The following ROBO2 variants were observed in gnomAD, a reference collection of about 807,000 sequenced individuals.
ROBO2 encodes the protein roundabout guidance receptor 2.
In ROBO2, 53 loss-of-function variants were observed where a neutral mutation model predicts 160.8. The observed-to-expected ratio is 0.33, with a 90% CI of 0.26 to 0.41. ROBO2 has a LOEUF of 0.41. Among genes scored for constraint, ROBO2 ranks in the 10% least tolerant of loss-of-function variants. The pLI is 1.00. For missense variants in ROBO2, 1,577 were observed against 1,722.4 expected (o/e 0.92, Z 1.49); for synonymous variants, 664 against 611.7 (o/e 1.09, Z -1.26).
chr3:77,418,984 A>G (rs2077487931), intron 2 of ROBO2, among the ~76,000 whole-genome samples: 1 of 152,150 alleles, frequency 6.6e-6, no homozygotes, highest in Non-Finnish European at 1.5e-5. Context: ...GTGGCTTAAA[A>G]CAAATGTATT....
At chr3:76,707,226 C>T (rs1465117753) in intron 2 of ROBO2, among the ~76,000 whole-genome samples, 5 of 151,980 alleles carry the variant, frequency 3.3e-5, no homozygotes, top group South Asian at 2.1e-4. Flanking sequence ...AACACCAGTA[C>T]CTAAAGAAAC....
At chr3:76,851,659 C>T (rs1478123128) in intron 2 of ROBO2, among the ~76,000 whole-genome samples, 5 of 141,372 alleles carry the variant, frequency 3.5e-5, no homozygotes, top group Non-Finnish European at 7.5e-5. Flanking sequence ...GGCGTGAACC[C>T]GGGAAGCGGA....
At chr3:77,527,772 GT>G (rs1039887294) in intron 6 of ROBO2, among the ~76,000 whole-genome samples, 1 of 151,484 alleles carries the variant, frequency 6.6e-6, no homozygotes, top group Non-Finnish European at 1.5e-5. Flanking sequence ...TATTAGTTAT[GT>G]TTGATGTTAA....
chr3:76,289,034 T>C (rs1396899876), intron 2 of ROBO2, among the ~76,000 whole-genome samples: 1 of 152,172 alleles, frequency 6.6e-6, no homozygotes, highest in Non-Finnish European at 1.5e-5. Context: ...CTGGGTAAAA[T>C]GGTAGTTGTG....
At chr3:77,586,086 A>T (rs2094039867) in intron 16 of ROBO2, among the ~76,000 whole-genome samples, 1 of 152,116 alleles carries the variant, frequency 6.6e-6, no homozygotes, top group African/African-American at 2.4e-5. Context: ...GTAAAAATGT[A>T]ACACGCTGCC....
At chr3:76,393,959 A>C (rs537606694) in intron 2 of ROBO2, among the ~76,000 whole-genome samples, 1 of 152,170 alleles carries the variant, frequency 6.6e-6, no homozygotes, top group Admixed American at 6.6e-5. Context: ...AAAATAAAAA[A>C]TTCGTTTTCC....
chr3:76,332,548 C>G (rs1424078266), intron 2 of ROBO2, among the ~76,000 whole-genome samples: 1 of 152,148 alleles, frequency 6.6e-6, no homozygotes, highest in African/African-American at 2.4e-5. Flanking sequence ...GGATTTATCT[C>G]TGCATAAAAC....
intron 2 of ROBO2, among the ~76,000 whole-genome samples, chr3:77,192,262 T>C (rs1414073169): frequency 1.3e-5 from 2 of 152,206 alleles, no homozygotes. Context: ...TTTAATATGC[T>C]GAACATGATT....
At chr3:77,095,651 CT>C (rs896577302) in intron 1 of ROBO2, among the ~76,000 whole-genome samples, 1 of 152,110 alleles carries the variant, frequency 6.6e-6, no homozygotes, top group African/African-American at 2.4e-5. Context: ...ACATAAAACT[CT>C]TGATGTATTT....
intron 2 of ROBO2, among the ~76,000 whole-genome samples, chr3:76,797,129 A>G (rs1185823845): frequency 6.6e-6 from 1 of 152,150 alleles, no homozygotes; most frequent in Non-Finnish European, 1.5e-5. Flanking sequence ...ATTTCATCCA[A>G]TGGCTGCAGA....
At chr3:76,200,420 C>A (rs1216795752) in intron 2 of ROBO2, among the ~76,000 whole-genome samples, 1 of 152,084 alleles carries the variant, frequency 6.6e-6, no homozygotes, top group Non-Finnish European at 1.5e-5. Context: ...AGCTCATGCC[C>A]TGTTTTTGGA....
chr3:76,084,349 G>T (rs375460849), intron 2 of ROBO2, among the ~76,000 whole-genome samples: 26 of 152,016 alleles, frequency 1.7e-4, no homozygotes, highest in Non-Finnish European at 3.4e-4. Flanking sequence ...GTCCTAATTA[G>T]TCATTTATCA....
intron 19 of ROBO2, among the ~76,000 whole-genome samples, chr3:77,598,961 A>G (rs1170896800): frequency 6.6e-6 from 1 of 152,210 alleles, no homozygotes; most frequent in Non-Finnish European, 1.5e-5. Context: ...GAGAAAATGA[A>G]TATTCAGTTT....
At chr3:77,157,052 T>C (rs1047475395) in intron 2 of ROBO2, among the ~76,000 whole-genome samples, 3 of 151,928 alleles carry the variant, frequency 2.0e-5, no homozygotes, top group African/African-American at 4.8e-5. Context: ...ACCAAACAGG[T>C]GATGTCAATG....
chr3:75,966,544 A>C (rs1419978647), intron 2 of ROBO2, among the ~76,000 whole-genome samples: 4 of 151,712 alleles, frequency 2.6e-5, no homozygotes, highest in Non-Finnish European at 5.9e-5. Flanking sequence ...CCATGCTTGC[A>C]TTTGAATCCT....
intron 23 of ROBO2, among the ~76,000 whole-genome samples, chr3:77,624,130 T>G (rs1037082391): frequency 6.6e-6 from 1 of 152,224 alleles, no homozygotes; most frequent in Non-Finnish European, 1.5e-5. Context: ...TCAGGGTGTT[T>G]AAGTTTGTAT....
At chr3:76,419,795 G>A (rs1407168803) in intron 2 of ROBO2, among the ~76,000 whole-genome samples, 2 of 152,014 alleles carry the variant, frequency 1.3e-5, no homozygotes, top group Non-Finnish European at 2.9e-5. Context: ...GGACTGAATA[G>A]CTATTTCCAA....
chr3:77,334,464 G>C (rs1430762531), intron 2 of ROBO2, among the ~76,000 whole-genome samples: 1 of 152,126 alleles, frequency 6.6e-6, no homozygotes, highest in Non-Finnish European at 1.5e-5. Flanking sequence ...TTGTTTGTTT[G>C]CTTGTTTGTT....
At chr3:76,198,726 A>G (rs1702378534) in intron 2 of ROBO2, among the ~76,000 whole-genome samples, 1 of 152,122 alleles carries the variant, frequency 6.6e-6, no homozygotes, top group South Asian at 2.1e-4. Flanking sequence ...GGTCTCCACA[A>G]TGCCTTATCT....
Sources: allele counts gnomAD v4.1 joint callset (sites outside exome capture counted in the v4.1 genomes callset), GRCh38; gene constraint gnomAD v4.1.1; transcripts MANE v1.5; gene names NCBI Gene and HGNC (gene_info 2026-07-23, HGNC 2026-07-21).